Variants in MRC2 observed in about 807,000 individuals in gnomAD.
The protein encoded by MRC2 is C-type mannose receptor 2.
MRC2 carries 84 observed loss-of-function variants against 206.2 expected under a neutral mutation model. The ratio of observed to expected loss-of-function variants is 0.41; its 90% CI spans 0.34 to 0.49. The LOEUF (loss-of-function observed/expected upper bound fraction) is 0.49. Among genes scored for constraint, MRC2 ranks in the 20% least tolerant of loss-of-function variants. The probability of loss-of-function intolerance (pLI) is 0.31; values close to 1 mark genes in which losing one functional copy is unlikely to be tolerated. For missense variants in MRC2, 1,676 were observed against 2,001.5 expected (o/e 0.84, Z 3.10); for synonymous variants, 798 against 800.0 (o/e 1.00, Z 0.04).
chr17:62,691,569 AG>A (rs1449002794), intron 28 of MRC2, among the ~76,000 whole-genome samples: 3 of 152,130 alleles, frequency 2.0e-5, no homozygotes, highest in Admixed American at 2.0e-4. Flanking sequence ...CAGGGGTTCA[AG>A]ACCAGCCTGG....
chr17:62,678,632 C>A lies in MRC2; in HGVS notation c.2181C>A (p.Leu727=), dbSNP rs765984087. The part of the protein sequence containing the change: ...YEEEHFVANM[L]NKIFGESEPE... ...AGGAGCACTTTGTGGCCAACATGCT[C>A]AACAAGATCTTCGGGTACTGAGCCG... The change falls in exon 13 of 30, where the codon CTC becomes CTA. Residue 727 remains leucine (L), a synonymous_variant. Coordinates refer to ENST00000303375, the MANE Select transcript of MRC2 (RefSeq NM_006039.5). 2 of 1,611,654 alleles carry A rather than the reference C, an allele frequency of 1.2e-6. No individual in the cohort carries two copies. Among genetic ancestry groups the A allele is most frequent in the Non-Finnish European group, 1.7e-6 (2 of 1,179,082 alleles).
In MRC2 at chr17:62,667,448, C is replaced by T. The variant is rs768593740; in HGVS notation, c.1032C>T (p.Gly344=). The T allele has an allele frequency of 1.2e-6, 2 of 1,612,354 alleles. No homozygotes were observed. The highest frequency in any genetic ancestry group is 2.2e-5 in the East Asian group (1 of 44,762). The change falls in exon 6 of 30, where the codon GGC becomes GGT. Residue 344 remains glycine, a synonymous_variant. Transcript: ENST00000303375. The surrounding 1 kb of genome is among the most constrained non-coding windows in gnomAD (Gnocchi z 4.1). ...NCGVIRTESS[G]GWQNRDCSIA... The stretch of plus-strand genomic sequence containing the variant: ...GAGTGATCCGCACTGAGTCCTCGGG[C>T]GGCTGGCAGAACCGTGACTGCAGCA...
Position 62,681,907 on chromosome 17 carries a change from A to G in MRC2, c.2773A>G (p.Lys925Glu). 6.2e-7 allele frequency: 1 copy of G among 1,613,942 alleles called. No homozygotes were observed. The highest frequency in any genetic ancestry group is 8.5e-7 in the Non-Finnish European group (1 of 1,179,970). Reference protein sequence around the residue: ...PGKPRPVGKDKKCVYMTASRE... With the variant: ...PGKPRPVGKDEKCVYMTASRE... Reference sequence around the variant, plus strand: ...CAAACCTCGGCCTGTCGGCAAGGACAAGAAGTGCGTGTACATGACAGCCAG... The same window carrying G: ...CAAACCTCGGCCTGTCGGCAAGGACGAGAAGTGCGTGTACATGACAGCCAG... Residue 925 changes from lysine (K) to glutamate (E), a missense_variant, in exon 19 of 30, where the codon AAG (lysine) becomes GAG (glutamate). Physicochemically the swap from Lys to Glu is moderately conservative, Grantham distance 56. Coordinates refer to ENST00000303375, the MANE Select transcript of MRC2 (RefSeq NM_006039.5).
intron 1 of MRC2, among the ~76,000 whole-genome samples, chr17:62,640,576 A>G (rs79106442): frequency 0.027 from 4,059 of 152,222 alleles, 178 homozygotes; most frequent in South Asian, 0.2. Context: ...CTGGAATGCA[A>G]TGGTGGGATT....
intron 1 of MRC2, among the ~76,000 whole-genome samples, chr17:62,655,613 G>A (rs1308674359): frequency 6.6e-6 from 1 of 151,310 alleles, no homozygotes; most frequent in Non-Finnish European, 1.5e-5. Context: ...CAGTTATTCT[G>A]GGGGCTTAGG....
chr17:62,678,436 G>A, intron 12 of MRC2, 68 bp from the exon 13 acceptor site: 2 of 1,567,748 alleles, frequency 1.3e-6, no homozygotes, highest in Non-Finnish European at 1.7e-6. Context: ...TGGTGGGAAA[G>A]GCAGTAGGTG....
rs749750244 is a variant in MRC2 at position 62,689,999 on chromosome 17, G to A, written c.3679G>A (p.Gly1227Arg). Residue 1227 changes from glycine to arginine, a missense_variant, in exon 25 of 30, where the codon GGG becomes AGG. This residue lies in a region of MRC2 where 1,354 missense variants were observed against 1,636.6 expected (regional missense o/e 0.83). Coordinates refer to ENST00000303375, the MANE Select transcript of MRC2 (RefSeq NM_006039.5). ...PGGCTYVDVD[G>R]AWRTTSCDTK... ...GGGCTGTACCTACGTAGATGTGGAC[G>A]GGGCCTGGCGCACCACCAGCTGTGA... The A allele has an allele frequency of 1.9e-6, 3 of 1,612,144 alleles. No homozygotes were observed. The highest frequency in any genetic ancestry group is 2.5e-6 in the Non-Finnish European group (3 of 1,179,570).
In MRC2 at chr17:62,688,404, G is replaced by A. The variant is rs112058447; in HGVS notation, c.3061+1G>A. 6.2e-7 allele frequency: 1 copy of A among 1,614,082 alleles called. No individual in the cohort carries two copies. On this transcript the variant is annotated splice_donor_variant, in intron 21 of 29. Coordinates refer to ENST00000303375, the MANE Select transcript of MRC2 (RefSeq NM_006039.5). LOFTEE classifies it high-confidence loss of function. ...ACCATCACAAACCCCTTAGAGCAAG[G>A]TAGGGCCAGCCTATGGGGAGCCCCC...
At chr17:62,630,251 G>A (rs977275057) in intron 1 of MRC2, among the ~76,000 whole-genome samples, 5 of 152,190 alleles carry the variant, frequency 3.3e-5, no homozygotes, top group African/African-American at 1.2e-4. Flanking sequence ...CCAGACCCAC[G>A]CTCAACCCTT....
Position 62,680,670 on chromosome 17 carries a change from C to T in MRC2, c.2474-130C>T, listed in dbSNP as rs1049924042. 3 of 1,308,558 alleles carry T rather than the reference C, an allele frequency of 2.3e-6. No homozygotes were observed. Among genetic ancestry groups the T allele is most frequent in the Non-Finnish European group, 3.0e-6 (3 of 987,052 alleles). The allele number at this position is 1,308,558 out of a possible 1,614,324, so 81.1% of individuals were successfully genotyped here. ...GCCTGGGGCCTGGCACGGTGCCTGC[C>T]TGGGTCCGGTGTGCCTGCAGGCTCG... On this transcript the variant is annotated intron_variant, in intron 16 of 29. Transcript: ENST00000303375. This position sits in a 1 kb window ranked among gnomAD's most constrained non-coding sequence, Gnocchi z 4.8.
At chr17:62,677,967 A>G (rs1223534039) in intron 12 of MRC2, among the ~76,000 whole-genome samples, 4 of 152,254 alleles carry the variant, frequency 2.6e-5, no homozygotes, top group South Asian at 2.1e-4. Flanking sequence ...GGAGAATGGC[A>G]TGAACCCAGG....
Position 62,672,251 on chromosome 17 carries a change from C to A in MRC2, c.1461+99C>A. ...ACATCCTAGTTACTATCAGAACCTG[C>A]CTGGAACCTCTTACCTCTCAGCAGT... On this transcript the variant is annotated intron_variant, in intron 8 of 29. Transcript: ENST00000303375. This position sits in a 1 kb window ranked among gnomAD's most constrained non-coding sequence, Gnocchi z 4.5. The A allele has an allele frequency of 7.0e-7, 1 of 1,420,134 alleles. No homozygotes were observed. The highest frequency in any genetic ancestry group is 9.8e-7 in the Non-Finnish European group (1 of 1,019,024). 88.0% of individuals were successfully genotyped at this position (1,420,134 alleles called of 1,614,324 possible).
intron 1 of MRC2, among the ~76,000 whole-genome samples, chr17:62,646,775 A>G (rs1480960265): frequency 6.6e-6 from 1 of 152,236 alleles, no homozygotes; most frequent in Non-Finnish European, 1.5e-5. Flanking sequence ...CAAGTCCCGC[A>G]GGGTTAAGTT....
At chr17:62,668,177 C>A (rs903415982) in intron 6 of MRC2, among the ~76,000 whole-genome samples, 1 of 151,734 alleles carries the variant, frequency 6.6e-6, no homozygotes, top group African/African-American at 2.4e-5. Flanking sequence ...GGCAACATAG[C>A]GAGACCCTGT....
rs2089090097 is a variant in MRC2 at position 62,690,251 on chromosome 17, T to C, written c.3838T>C (p.Phe1280Leu). 6.2e-7 allele frequency: 1 copy of C among 1,613,314 alleles called. No homozygotes were observed. Among genetic ancestry groups the C allele is most frequent in the Non-Finnish European group, 8.5e-7 (1 of 1,179,604 alleles). Residue 1280 changes from phenylalanine (F) to leucine (L), a missense_variant, in exon 26 of 30, where the codon TTC becomes CTC. Transcript: ENST00000303375. ...WIPFREHCYS[F>L]HMELLLGHKE... ...TCCCTTCCGGGAGCACTGCTATTCT[T>C]TCCACATGGAGCTGCTGCTGGGCCA...
At position 62,633,822 on chromosome 17, in the gene MRC2, C is replaced by T. The variant is rs528815764; in HGVS notation, c.118+5902C>T. ...CATCATTGCATTCCAGCCTGAGTGA[C>T]AGAGTGAGACCCTGTCTCAAAAAAA... On this transcript the variant is annotated intron_variant, in intron 1 of 29. Transcript: ENST00000303375. 6.3e-5 allele frequency among the ~76,000 whole-genome samples: 7 copies of T among 110,238 alleles called. No homozygotes were observed. In the South Asian group the frequency reaches 2.1e-3, roughly 32 times the overall value. The allele number at this position is 110,238 out of a possible 152,430, so 72.3% of individuals were successfully genotyped here. A position where few individuals can be genotyped will look rare whatever the true frequency, so the allele number is the denominator to read the frequency against.
At chr17:62,687,438 G>A (rs1315746991) in intron 20 of MRC2, among the ~76,000 whole-genome samples, 3 of 152,224 alleles carry the variant, frequency 2.0e-5, no homozygotes, top group African/African-American at 4.8e-5. Context: ...GGGATTACAG[G>A]TGTGAGCCAC....
chr17:62,638,754 A>G lies in MRC2; in HGVS notation c.118+10834A>G, dbSNP rs565921392. 3.9e-3 allele frequency among the ~76,000 whole-genome samples: 582 copies of G among 149,906 alleles called. 2 individuals carry two copies. Among genetic ancestry groups the G allele is most frequent in the African/African-American group, 0.013 (519 of 40,790 alleles). On this transcript the variant is annotated intron_variant, in intron 1 of 29. Transcript: ENST00000303375. Reference sequence around the variant, plus strand: ...CCCTGTCTCAAAAAAAAAAAAAAAAAAAAGAAAGAAACAATTAGCCAGGCG... The same window carrying G: ...CCCTGTCTCAAAAAAAAAAAAAAAAGAAAGAAAGAAACAATTAGCCAGGCG...
At chr17:62,684,498 T>G (rs1258672048) in intron 20 of MRC2, among the ~76,000 whole-genome samples, 2 of 152,132 alleles carry the variant, frequency 1.3e-5, no homozygotes, top group Non-Finnish European at 2.9e-5. Context: ...TCTCAACACG[T>G]TTTTACAACA....
Sources: gnomAD v4.1 joint callset for allele counts (sites outside exome capture counted in the v4.1 genomes callset) on GRCh38, gnomAD v4.1.1 for gene constraint, gnomAD v4.1.1 regional missense constraint, Gnocchi (gnomAD v3.1) non-coding constraint, MANE v1.5 for transcripts, NCBI Gene and HGNC (gene_info 2026-07-23, HGNC 2026-07-21) for gene names.